Variants in RYR2 observed in about 807,000 individuals in gnomAD.
RYR2 encodes ryanodine receptor 2.
Under a neutral mutation model 601.1 loss-of-function variants are expected in RYR2, and 227 were observed. The observed-to-expected ratio is 0.38, with a 90% CI of 0.34 to 0.42. The LOEUF (loss-of-function observed/expected upper bound fraction) is 0.42. Ranked by LOEUF, RYR2 falls within the 10% of genes least tolerant of loss-of-function variation. RYR2 has a pLI of 1.00. For missense variants in RYR2, 4,646 were observed against 6,156.5 expected (o/e 0.75, Z 8.21); for synonymous variants, 2,223 against 2,175.1 (o/e 1.02, Z -0.61).
rs967884618 is a variant in RYR2 at position 237,424,253 on chromosome 1, C to T, written c.1005+1005C>T. Reference sequence around the variant, plus strand: ...AGATGATTGGAACAATATTAAACTACTAACTAGCTTTCATCTTAGAAAGGC... The same window carrying T: ...AGATGATTGGAACAATATTAAACTATTAACTAGCTTTCATCTTAGAAAGGC... On this transcript the variant is annotated intron_variant, in intron 12 of 104. Coordinates refer to ENST00000366574, the MANE Select transcript of RYR2 (RefSeq NM_001035.3). 2.6e-5 allele frequency among the ~76,000 whole-genome samples: 4 copies of T among 152,260 alleles called. No individual in the cohort carries two copies. The East Asian group carries it at 7.7e-4, about 29-fold the overall frequency.
chr1:237,728,985 A>G (rs1690446593), intron 76 of RYR2, among the ~76,000 whole-genome samples: 1 of 112,586 alleles, frequency 8.9e-6, no homozygotes, highest in African/African-American at 2.6e-5. Context: ...TTGAATTCAC[A>G]TTATCATTTC....
At chr1:237,160,855 A>G (rs192601887) in intron 1 of RYR2, among the ~76,000 whole-genome samples, 260 of 152,286 alleles carry the variant, frequency 1.7e-3, no homozygotes, top group African/African-American at 6.0e-3. Flanking sequence ...CTAAATCATT[A>G]TAATTTATAT....
chr1:237,722,474 C>T (rs1408240177), intron 73 of RYR2, among the ~76,000 whole-genome samples: 3 of 150,762 alleles, frequency 2.0e-5, no homozygotes, highest in Non-Finnish European at 4.4e-5. Context: ...CGCTCTGTCG[C>T]CCAGGCTGGA....
intron 10 of RYR2, among the ~76,000 whole-genome samples, chr1:237,390,844 A>G (rs939599246): frequency 6.6e-6 from 1 of 152,142 alleles, no homozygotes; most frequent in Non-Finnish European, 1.5e-5. Context: ...ATGTAATTAG[A>G]CCAGCCTATC....
chr1:237,801,658 A>G (rs1027068513), intron 97 of RYR2, among the ~76,000 whole-genome samples, 198 bp from the exon 98 acceptor site: 1 of 152,176 alleles, frequency 6.6e-6, no homozygotes, highest in Non-Finnish European at 1.5e-5. Flanking sequence ...AAGATCCTCT[A>G]AGAACACATC....
At chr1:237,557,936 A>G (rs1671069984) in intron 27 of RYR2, among the ~76,000 whole-genome samples, 2 of 152,198 alleles carry the variant, frequency 1.3e-5, no homozygotes, top group African/African-American at 4.8e-5. Context: ...ACCAGGATTC[A>G]ATTACATATA....
intron 63 of RYR2, among the ~76,000 whole-genome samples, chr1:237,695,286 GTTA>G (rs1331487289): frequency 2.0e-5 from 3 of 152,154 alleles, no homozygotes; most frequent in African/African-American, 4.8e-5. Flanking sequence ...CCAGGTGTAA[GTTA>G]TTATTTTAAT....
chr1:237,052,746 G>T (rs12753661), intron 1 of RYR2, among the ~76,000 whole-genome samples: 2,963 of 152,174 alleles, frequency 0.019, 36 homozygotes, highest in Non-Finnish European at 0.03. Flanking sequence ...CATATTGAAG[G>T]ATGATTAAGA....
At position 237,642,052 on chromosome 1, in the gene RYR2, T is replaced by C. The variant is rs527412458; in HGVS notation, c.7221+1050T>C. Among the ~76,000 whole-genome samples the C allele has an allele frequency of 1.6e-4, 25 of 152,324 alleles. No homozygotes were observed. In the South Asian group the frequency reaches 1.7e-3, roughly 10 times the overall value. ...TTTTAATGGGAAACAAACCCAGAGT[T>C]TGAGAGTTTGAAACACATTGATTGG... is the stretch of plus-strand genomic sequence containing the variant. On this transcript the variant is annotated intron_variant, in intron 47 of 104. Coordinates refer to ENST00000366574, the MANE Select transcript of RYR2 (RefSeq NM_001035.3).
intron 22 of RYR2, among the ~76,000 whole-genome samples, chr1:237,506,491 T>G (rs1486046906): frequency 1.2e-4 from 18 of 149,384 alleles, no homozygotes; most frequent in Non-Finnish European, 2.7e-4. Flanking sequence ...TGAGCAGAGA[T>G]CGCGCCACTG....
At chr1:237,055,294 G>A (rs1189598489) in intron 1 of RYR2, among the ~76,000 whole-genome samples, 1 of 152,064 alleles carries the variant, frequency 6.6e-6, no homozygotes, top group South Asian at 2.1e-4. Context: ...AGGTAAAAGG[G>A]GCCCTGGAAG....
At chr1:237,346,831 C>A (rs1698353100) in intron 3 of RYR2, among the ~76,000 whole-genome samples, 1 of 152,132 alleles carries the variant, frequency 6.6e-6, no homozygotes, top group Non-Finnish European at 1.5e-5. Flanking sequence ...AGTACATAAT[C>A]CCATATGATA....
chr1:237,808,602 G>A (rs1254811972), intron 99 of RYR2, among the ~76,000 whole-genome samples: 1 of 150,442 alleles, frequency 6.6e-6, no homozygotes, highest in Admixed American at 6.6e-5. Flanking sequence ...AGAGGTTGCA[G>A]TGAGCTCAGA....
chr1:237,796,393 G>A (rs1352629146), intron 96 of RYR2, among the ~76,000 whole-genome samples: 1 of 152,126 alleles, frequency 6.6e-6, no homozygotes, highest in Non-Finnish European at 1.5e-5. Context: ...GTCCTGCAGG[G>A]AATGTGAGGA....
intron 46 of RYR2, among the ~76,000 whole-genome samples, chr1:237,639,634 A>G (rs1257853107): frequency 1.3e-5 from 2 of 152,204 alleles, no homozygotes; most frequent in Non-Finnish European, 2.9e-5. Flanking sequence ...AACCTAGAAA[A>G]GGTTTCATTC....
chr1:237,207,267 TA>T (rs202134548), intron 1 of RYR2, among the ~76,000 whole-genome samples: 2,614 of 152,036 alleles, frequency 0.017, 51 homozygotes, highest in African/African-American at 0.035. Context: ...TGAAGGCCTT[TA>T]AAAAAAAGTC....
intron 8 of RYR2, among the ~76,000 whole-genome samples, chr1:237,382,153 G>A (rs1470119247): frequency 6.6e-6 from 1 of 152,174 alleles, no homozygotes; most frequent in Non-Finnish European, 1.5e-5. Flanking sequence ...CACTGGAAAT[G>A]TAGATTTCCA....
chr1:237,823,321 AAC>A (rs1390562558), intron 101 of RYR2, among the ~76,000 whole-genome samples: 2 of 152,042 alleles, frequency 1.3e-5, no homozygotes, highest in Non-Finnish European at 2.9e-5. Context: ...TGGAAATCAT[AAC>A]AGAGTCTCTC....
chr1:237,156,365 A>G (rs1675332306), intron 1 of RYR2, among the ~76,000 whole-genome samples: 1 of 152,176 alleles, frequency 6.6e-6, no homozygotes, highest in Admixed American at 6.5e-5. Flanking sequence ...ATGTTTCTCA[A>G]AAGAAAGTCT....
Sources: allele counts gnomAD v4.1 joint callset (sites outside exome capture counted in the v4.1 genomes callset), GRCh38; gene constraint gnomAD v4.1.1; transcripts MANE v1.5; gene names NCBI Gene and HGNC (gene_info 2026-07-23, HGNC 2026-07-21).